TAFA1: variants seen among roughly 807,000 people sequenced by gnomAD.
TAFA1 encodes the protein TAFA chemokine like family member 1, also known as chemokine-like protein TAFA-1.
In TAFA1, 4 loss-of-function variants were observed where a neutral mutation model predicts 18.5. The observed-to-expected ratio is 0.22, with a 90% CI of 0.11 to 0.49. The LOEUF (loss-of-function observed/expected upper bound fraction) is 0.49. Ranked by LOEUF, TAFA1 falls within the 20% of genes least tolerant of loss-of-function variation. The pLI is 0.98. For missense variants in TAFA1, 147 were observed against 169.0 expected (o/e 0.87, Z 0.72); for synonymous variants, 56 against 55.2 (o/e 1.01, Z -0.06).
rs567779194 is a variant in TAFA1, at chr3:68,348,810, A to G, written c.119-68470A>G. 1.6e-4 allele frequency among the ~76,000 whole-genome samples: 25 copies of G among 152,242 alleles called. No homozygotes were observed. The South Asian group carries it at 3.7e-3, about 23-fold the overall frequency. The stretch of plus-strand genomic sequence containing the variant: ...TGCAATGTAAGAATGAATTACTGCA[A>G]TCAGTCAAAGAGATCACATTAGTTC... On this transcript the variant is annotated intron_variant, in intron 2 of 4. Coordinates refer to ENST00000478136, the MANE Select transcript of TAFA1 (RefSeq NM_213609.4).
intron 2 of TAFA1, among the ~76,000 whole-genome samples, chr3:68,019,859 C>A (rs1037295494): frequency 6.6e-6 from 1 of 152,208 alleles, no homozygotes; most frequent in Non-Finnish European, 1.5e-5. Flanking sequence ...ACAGCCCATT[C>A]TTCCTATGAT....
At chr3:68,133,123 G>A (rs371421177) in intron 2 of TAFA1, among the ~76,000 whole-genome samples, 65 of 152,242 alleles carry the variant, frequency 4.3e-4, no homozygotes, top group African/African-American at 1.5e-3. Flanking sequence ...ATGAAACAGG[G>A]AATCCTTCCT....
intron 2 of TAFA1, among the ~76,000 whole-genome samples, chr3:68,370,357 C>CAT (rs1559637498): frequency 1.6e-5 from 1 of 62,232 alleles, no homozygotes; most frequent in African/African-American, 6.5e-5. Flanking sequence ...TATATATACA[C>CAT]ACACACACAC....
At chr3:68,364,070 A>G in intron 2 of TAFA1, among the ~76,000 whole-genome samples, 1 of 152,134 alleles carries the variant, frequency 6.6e-6, no homozygotes, top group Non-Finnish European at 1.5e-5. Flanking sequence ...TGTTCACAGG[A>G]AAAAAGCTGA....
At chr3:68,456,180 C>G (rs970376069) in intron 3 of TAFA1, among the ~76,000 whole-genome samples, 4 of 152,090 alleles carry the variant, frequency 2.6e-5, no homozygotes, top group South Asian at 4.1e-4. Flanking sequence ...TCTTGCACAA[C>G]AAAAAGCCTG....
chr3:68,085,683 T>C (rs1038348040), intron 2 of TAFA1, among the ~76,000 whole-genome samples: 8 of 152,212 alleles, frequency 5.3e-5, no homozygotes, highest in Non-Finnish European at 1.2e-4. Context: ...AAAGAGTATA[T>C]CTGCGTATTC....
chr3:68,006,819 G>A, intron 2 of TAFA1, 75 bp downstream of exon 2: 2 of 1,052,570 alleles, frequency 1.9e-6, no homozygotes, highest in Non-Finnish European at 3.0e-6. Context: ...TTGAATGCAA[G>A]TGACATAAAG....
chr3:68,505,962 A>G (rs2072743574), intron 3 of TAFA1, among the ~76,000 whole-genome samples: 1 of 151,728 alleles, frequency 6.6e-6, no homozygotes, highest in South Asian at 2.1e-4. Flanking sequence ...ATAGATATAC[A>G]TGTGCCATGA....
chr3:68,486,077 A>AT (rs111866934), intron 3 of TAFA1, among the ~76,000 whole-genome samples: 28 of 39,814 alleles, frequency 7.0e-4, no homozygotes, highest in African/African-American at 2.8e-3. Flanking sequence ...TTTTATTTTT[A>AT]TTTTATTTTA....
At chr3:68,080,083 C>G (rs1219756380) in intron 2 of TAFA1, among the ~76,000 whole-genome samples, 4 of 152,054 alleles carry the variant, frequency 2.6e-5, no homozygotes, top group South Asian at 2.1e-4. Context: ...TTCTTTGTCT[C>G]TTTTGATCTT....
intron 2 of TAFA1, among the ~76,000 whole-genome samples, chr3:68,012,581 A>G (rs1704493302): frequency 6.6e-6 from 1 of 152,240 alleles, no homozygotes; most frequent in Non-Finnish European, 1.5e-5. Flanking sequence ...TCCTTTCTAC[A>G]GTGGTAGTTA....
intron 2 of TAFA1, among the ~76,000 whole-genome samples, chr3:68,338,426 C>T (rs527485086): frequency 1.3e-5 from 2 of 152,234 alleles, no homozygotes; most frequent in African/African-American, 4.8e-5. Context: ...GTATTCATGC[C>T]TCTGTTAACA....
chr3:68,184,955 A>G (rs1417468266), intron 2 of TAFA1, among the ~76,000 whole-genome samples: 5 of 152,144 alleles, frequency 3.3e-5, no homozygotes, highest in Non-Finnish European at 7.4e-5. Flanking sequence ...ACTGGTATAC[A>G]TTCAATTTCT....
At chr3:68,429,190 A>G (rs935943864) in intron 3 of TAFA1, among the ~76,000 whole-genome samples, 1 of 151,920 alleles carries the variant, frequency 6.6e-6, no homozygotes, top group African/African-American at 2.4e-5. Flanking sequence ...AGGGAGGTTA[A>G]GTCTGTCCAT....
chr3:68,005,450 C>T (rs1211282575), intron 1 of TAFA1, among the ~76,000 whole-genome samples: 2 of 152,200 alleles, frequency 1.3e-5, no homozygotes, highest in Admixed American at 1.3e-4. Flanking sequence ...CATCTCTCTG[C>T]TAAAATCCAC....
upstream of TAFA1, among the ~76,000 whole-genome samples, chr3:67,999,287 C>CTGTGTGTGTGTGTGTGTGTGTGTGTGTG (rs796820506): frequency 6.4e-3 from 941 of 147,740 alleles, 17 homozygotes; most frequent in African/African-American, 0.022. Context: ...CCCCCTCTCT[C>CTGTGTGTGTGTGTGTGTGTGTGTGTGTG]TGTGTGTGTG....
At chr3:68,084,824 A>G (rs1039085996) in intron 2 of TAFA1, among the ~76,000 whole-genome samples, 13 of 151,692 alleles carry the variant, frequency 8.6e-5, no homozygotes, top group Admixed American at 3.3e-4. Flanking sequence ...CAAAAAAACC[A>G]AATAACAAAA....
chr3:68,115,542 C>T (rs548975084), intron 2 of TAFA1, among the ~76,000 whole-genome samples: 1 of 152,306 alleles, frequency 6.6e-6, no homozygotes, highest in East Asian at 1.9e-4. Flanking sequence ...TTCTCACAGT[C>T]ATTTAATGGA....
At chr3:68,047,884 A>G (rs1310880986) in intron 2 of TAFA1, among the ~76,000 whole-genome samples, 2 of 152,146 alleles carry the variant, frequency 1.3e-5, no homozygotes, top group Admixed American at 6.6e-5. Flanking sequence ...CTCCTACGAG[A>G]GAGGGAGACT....
Sources: gnomAD v4.1 joint callset for allele counts (sites outside exome capture counted in the v4.1 genomes callset) on GRCh38, gnomAD v4.1.1 for gene constraint, MANE v1.5 for transcripts, NCBI Gene and HGNC (gene_info 2026-07-23, HGNC 2026-07-21) for gene names.